The following ITFG1 variants were observed in gnomAD, a reference collection of about 807,000 sequenced individuals.
The protein encoded by ITFG1 is T-cell immunomodulatory protein.
Under a neutral mutation model 81.8 loss-of-function variants are expected in ITFG1, and 34 were observed. The ratio of observed to expected loss-of-function variants is 0.42; its 90% CI spans 0.32 to 0.55. The LOEUF (loss-of-function observed/expected upper bound fraction) is 0.55. Among genes scored for constraint, ITFG1 ranks in the 20% least tolerant of loss-of-function variants. The pLI is 0.17. For synonymous variants in ITFG1, 285 were observed against 270.6 expected (o/e 1.05, Z -0.52); for missense variants, 672 against 755.4 (o/e 0.89, Z 1.29).
At chr16:47,402,338 G>A (rs1968672126) in intron 6 of ITFG1, among the ~76,000 whole-genome samples, 1 of 152,170 alleles carries the variant, frequency 6.6e-6, no homozygotes, top group Admixed American at 6.5e-5. Context: ...GTAACTATGT[G>A]TGTACAGGTT....
chr16:47,403,026 G>T (rs995655579), intron 6 of ITFG1, among the ~76,000 whole-genome samples: 8 of 152,164 alleles, frequency 5.3e-5, no homozygotes, highest in African/African-American at 1.9e-4. Flanking sequence ...CATAAAGAGG[G>T]TCTATAAATG....
intron 8 of ITFG1, among the ~76,000 whole-genome samples, chr16:47,315,784 T>C (rs1030345855): frequency 5.3e-5 from 8 of 151,802 alleles, no homozygotes; most frequent in African/African-American, 1.9e-4. Flanking sequence ...TATATACACA[T>C]ATATATAATT....
chr16:47,391,017 G>T (rs1285716178), intron 6 of ITFG1, among the ~76,000 whole-genome samples: 1 of 151,852 alleles, frequency 6.6e-6, no homozygotes, highest in Non-Finnish European at 1.5e-5. Context: ...AAAGTCCATG[G>T]GAATCCCGAG....
chr16:47,183,049 G>A (rs545729670), intron 14 of ITFG1, among the ~76,000 whole-genome samples: 7 of 152,314 alleles, frequency 4.6e-5, no homozygotes, highest in East Asian at 3.9e-4. Context: ...CCCGAATACC[G>A]CGCTTTTCCG....
chr16:47,250,116 CAT>C (rs1396578788), intron 12 of ITFG1, among the ~76,000 whole-genome samples: 5 of 152,120 alleles, frequency 3.3e-5, no homozygotes, highest in African/African-American at 1.2e-4. Context: ...GCTTTGAGCA[CAT>C]GTGTAAAATC....
chr16:47,378,581 C>T (rs958363057), intron 6 of ITFG1, among the ~76,000 whole-genome samples: 2 of 152,184 alleles, frequency 1.3e-5, no homozygotes, highest in Non-Finnish European at 2.9e-5. Flanking sequence ...ACACACAATG[C>T]TGATTCTATT....
intron 10 of ITFG1, among the ~76,000 whole-genome samples, chr16:47,306,529 A>T (rs1967161874): frequency 6.6e-6 from 1 of 152,110 alleles, no homozygotes; most frequent in Non-Finnish European, 1.5e-5. Context: ...GAACAATGAA[A>T]CCACTTATTA....
chr16:47,413,830 C>T (rs924031157), intron 6 of ITFG1, among the ~76,000 whole-genome samples: 49 of 152,056 alleles, frequency 3.2e-4, no homozygotes, highest in Non-Finnish European at 5.4e-4. Flanking sequence ...TGCACAAGAA[C>T]ATACAGATGT....
At chr16:47,219,973 C>T (rs551580805) in intron 13 of ITFG1, among the ~76,000 whole-genome samples, 1 of 152,336 alleles carries the variant, frequency 6.6e-6, no homozygotes, top group Admixed American at 6.5e-5. Context: ...ATGAATATTA[C>T]GCTTTGTACT....
chr16:47,334,651 GGTC>G (rs1278631383), intron 8 of ITFG1, among the ~76,000 whole-genome samples: 1 of 151,880 alleles, frequency 6.6e-6, no homozygotes, highest in African/African-American at 2.4e-5. Context: ...CTGACTTTTG[GGTC>G]TATATAATTT....
intron 6 of ITFG1, among the ~76,000 whole-genome samples, chr16:47,420,791 A>G (rs1433643077): frequency 6.6e-6 from 1 of 152,156 alleles, no homozygotes; most frequent in East Asian, 1.9e-4. Flanking sequence ...TTCCTTGTAA[A>G]GCATGAAGAT....
At chr16:47,357,609 C>T (rs1293543070) in intron 8 of ITFG1, among the ~76,000 whole-genome samples, 11 of 130,300 alleles carry the variant, frequency 8.4e-5, no homozygotes, top group Admixed American at 7.3e-4. Flanking sequence ...AGCAAGACTC[C>T]GTCTCAAAAA....
intron 5 of ITFG1, among the ~76,000 whole-genome samples, chr16:47,440,349 A>G (rs1469194412): frequency 6.6e-6 from 1 of 152,250 alleles, no homozygotes; most frequent in African/African-American, 2.4e-5. Flanking sequence ...ATAGACATCT[A>G]CAGAACTCTC....
At position 47,311,372 on chromosome 16, in the gene ITFG1, A is replaced by T. The variant is rs1967258375; in HGVS notation, c.938T>A (p.Leu313His). The change falls in exon 10 of 18, where the codon CTC becomes CAC. Residue 313 changes from leucine to histidine, a missense_variant. Physicochemically the swap from Leu to His is moderately conservative, Grantham distance 99 (BLOSUM62 -3). Coordinates refer to ENST00000320640, the MANE Select transcript of ITFG1 (RefSeq NM_030790.5). ...ATCCACAAATGGCACAAAGCCCCAG[A>T]GTGTGCCCTTATTGCTGAAATCTTG... ...VLQDFSNKGT[L>H]WGFVPFVDEQ... The T allele has an allele frequency of 6.2e-7, 1 of 1,613,524 alleles. No homozygotes were observed. Among genetic ancestry groups the T allele is most frequent in the Non-Finnish European group, 8.5e-7 (1 of 1,179,722 alleles).
chr16:47,279,942 T>A (rs765586169), intron 10 of ITFG1, among the ~76,000 whole-genome samples: 28 of 152,134 alleles, frequency 1.8e-4, no homozygotes, highest in Non-Finnish European at 3.4e-4. Flanking sequence ...GAAATAAGAG[T>A]GATTCTTGTG....
chr16:47,353,221 A>T (rs569604006), intron 8 of ITFG1, among the ~76,000 whole-genome samples: 3 of 152,140 alleles, frequency 2.0e-5, no homozygotes, highest in South Asian at 4.2e-4. Context: ...AAAAAAAATT[A>T]AAAAAAAGAA....
intron 5 of ITFG1, among the ~76,000 whole-genome samples, chr16:47,443,612 G>A (rs1969284352): frequency 6.6e-6 from 1 of 152,070 alleles, no homozygotes; most frequent in Non-Finnish European, 1.5e-5. Flanking sequence ...CATGGATGAA[G>A]CTGGAAACCA....
intron 14 of ITFG1, among the ~76,000 whole-genome samples, chr16:47,168,936 T>TA (rs1410035310): frequency 6.6e-6 from 1 of 152,204 alleles, no homozygotes; most frequent in Non-Finnish European, 1.5e-5. Flanking sequence ...CATTTTTTTT[T>TA]ACATGTCATT....
chr16:47,167,999 C>A (rs561797443), intron 14 of ITFG1, among the ~76,000 whole-genome samples: 5 of 152,254 alleles, frequency 3.3e-5, no homozygotes, highest in Admixed American at 3.3e-4. Context: ...TTTTGAGGAA[C>A]TGCCATATTG....
Sources: allele counts gnomAD v4.1 joint callset (sites outside exome capture counted in the v4.1 genomes callset), GRCh38; gene constraint gnomAD v4.1.1; transcripts MANE v1.5; gene names NCBI Gene and HGNC (gene_info 2026-07-23, HGNC 2026-07-21).